TMEM117: variants seen among roughly 807,000 people sequenced by gnomAD.
TMEM117 encodes transmembrane protein 117.
In TMEM117, 27 loss-of-function variants were observed where a neutral mutation model predicts 52.4. The ratio of observed to expected loss-of-function variants is 0.51; its 90% CI spans 0.38 to 0.71. The LOEUF is 0.71. TMEM117 is among the 30% of genes least tolerant of loss of function. The pLI is 0.00. For missense variants in TMEM117, 556 were observed against 630.5 expected, an observed-to-expected ratio of 0.88 and a Z score of 1.26; for synonymous variants, 215 against 206.3, an observed-to-expected ratio of 1.04 and a Z score of -0.36.
At chr12:44,277,341 C>T (rs1450974131) in intron 5 of TMEM117, among the ~76,000 whole-genome samples, 1 of 151,878 alleles carries the variant, frequency 6.6e-6, no homozygotes, top group East Asian at 1.9e-4. Context: ...TTTAGGATCC[C>T]AAGTATCCTA....
intron 6 of TMEM117, chr12:44,318,196 G>A (rs923383121): frequency 1.3e-5 from 2 of 152,416 alleles, no homozygotes; most frequent in Non-Finnish European, 2.9e-5. Context: ...TCAGATGCCT[G>A]GAGATATGCC....
intron 6 of TMEM117, among the ~76,000 whole-genome samples, chr12:44,315,027 C>T (rs1019792633): frequency 8.5e-5 from 13 of 152,258 alleles, no homozygotes; most frequent in Middle Eastern, 3.4e-3. Context: ...TCTAGAGTTT[C>T]TAGTTTGTGT....
chr12:44,099,450 T>A (rs1244878632), intron 3 of TMEM117, among the ~76,000 whole-genome samples: 1 of 152,036 alleles, frequency 6.6e-6, no homozygotes, highest in Non-Finnish European at 1.5e-5. Context: ...TAAAAATACT[T>A]GGGTATATGT....
At chr12:43,836,259 G>A (rs2137332609) in intron 1 of TMEM117, 63 bp downstream of exon 1, 1 of 152,372 alleles carries the variant, frequency 6.6e-6, no homozygotes, top group Admixed American at 6.5e-5. Context: ...CCGCAGCGGA[G>A]CCCTCCCGGC....
chr12:44,217,722 C>T (rs564716876), intron 5 of TMEM117, among the ~76,000 whole-genome samples: 5 of 152,176 alleles, frequency 3.3e-5, no homozygotes, highest in African/African-American at 4.8e-5. Flanking sequence ...ATGAGTGACT[C>T]GTATTCCAGA....
chr12:43,830,954 C>G, the TMEM117 span, among the ~76,000 whole-genome samples: 1 of 152,148 alleles, frequency 6.6e-6, no homozygotes, highest in Non-Finnish European at 1.5e-5. Flanking sequence ...AGCACGGGTT[C>G]TAGTATTCCA....
chr12:44,397,405 C>CT, the TMEM117 span, among the ~76,000 whole-genome samples: 3 of 152,270 alleles, frequency 2.0e-5, no homozygotes, highest in Admixed American at 2.0e-4. Context: ...GTTCATATCT[C>CT]TAAGTGCAGA....
chr12:44,145,654 G>A (rs1462493460), intron 4 of TMEM117, among the ~76,000 whole-genome samples: 1 of 152,170 alleles, frequency 6.6e-6, no homozygotes, highest in African/African-American at 2.4e-5. Flanking sequence ...CCAAACCTCA[G>A]GATGCCTAGA....
chr12:44,212,504 GA>G (rs1027614076), intron 5 of TMEM117, among the ~76,000 whole-genome samples: 6 of 151,966 alleles, frequency 3.9e-5, no homozygotes, highest in Non-Finnish European at 8.8e-5. Flanking sequence ...AATAAGGAAA[GA>G]AAAAAGATCA....
chr12:44,241,514 G>A (rs1207655687), intron 5 of TMEM117, among the ~76,000 whole-genome samples: 5 of 151,770 alleles, frequency 3.3e-5, no homozygotes, highest in Non-Finnish European at 7.4e-5. Flanking sequence ...TTATTTTTAC[G>A]TGATCAAATC....
At chr12:44,293,952 TAA>T (rs781175832) in intron 5 of TMEM117, among the ~76,000 whole-genome samples, 30 of 152,264 alleles carry the variant, frequency 2.0e-4, no homozygotes, top group Non-Finnish European at 3.7e-4. Flanking sequence ...AATTTAGCAT[TAA>T]GTTCTACCTT....
chr12:43,815,108 T>C, the TMEM117 span, among the ~76,000 whole-genome samples: 3 of 152,160 alleles, frequency 2.0e-5, no homozygotes, highest in Non-Finnish European at 4.4e-5. Flanking sequence ...CCTTAATCTT[T>C]CCAGACGTCT....
chr12:44,007,002 C>T (rs1236840128), intron 3 of TMEM117, among the ~76,000 whole-genome samples: 2 of 152,046 alleles, frequency 1.3e-5, no homozygotes, highest in Non-Finnish European at 2.9e-5. Context: ...GATATTTGTC[C>T]TAGAGTTTGC....
intron 5 of TMEM117, among the ~76,000 whole-genome samples, chr12:44,280,131 T>C (rs1346255932): frequency 1.3e-5 from 2 of 152,200 alleles, no homozygotes; most frequent in African/African-American, 4.8e-5. Context: ...TTCATCGCTG[T>C]GACTTTAACT....
intron 3 of TMEM117, among the ~76,000 whole-genome samples, chr12:44,083,092 A>G (rs1250098057): frequency 6.6e-6 from 1 of 152,078 alleles, no homozygotes. Flanking sequence ...TATTTGGACC[A>G]TTTCCAGTTT....
At chr12:43,847,401 C>G (rs1943228319) in intron 2 of TMEM117, among the ~76,000 whole-genome samples, 1 of 152,154 alleles carries the variant, frequency 6.6e-6, no homozygotes, top group Non-Finnish European at 1.5e-5. Flanking sequence ...CCTGATATCT[C>G]TTTAACCTGA....
intron 5 of TMEM117, among the ~76,000 whole-genome samples, chr12:44,226,864 C>A (rs55645887): frequency 0.11 from 16,117 of 152,148 alleles, 943 homozygotes; most frequent in Middle Eastern, 0.2. Flanking sequence ...AAATAAAGAT[C>A]TGTTGTTTAG....
chr12:43,853,437 A>G (rs1386728840), intron 2 of TMEM117, among the ~76,000 whole-genome samples: 3 of 151,968 alleles, frequency 2.0e-5, no homozygotes, highest in African/African-American at 7.3e-5. Context: ...CACCATACCC[A>G]GCTAATTTTT....
intron 6 of TMEM117, among the ~76,000 whole-genome samples, chr12:44,343,128 T>G (rs1951439609): frequency 6.6e-6 from 1 of 151,996 alleles, no homozygotes; most frequent in South Asian, 2.1e-4. Context: ...ATTTTTTGTA[T>G]TTTTAGTACA....
Sources: allele counts gnomAD v4.1 joint callset (sites outside exome capture counted in the v4.1 genomes callset), GRCh38; gene constraint gnomAD v4.1.1; transcripts MANE v1.5; gene names NCBI Gene and HGNC (gene_info 2026-07-23, HGNC 2026-07-21).